Variants in HECW2 observed in about 807,000 individuals in gnomAD.
HECW2 encodes the protein E3 ubiquitin-protein ligase HECW2.
HECW2 carries 61 observed loss-of-function variants against 175.2 expected under a neutral mutation model. That is an observed-to-expected ratio of 0.35 (90% CI 0.28 to 0.43). The LOEUF is 0.43. Among genes scored for constraint, HECW2 ranks in the 20% least tolerant of loss-of-function variants. HECW2 has a pLI of 1.00. For synonymous variants in HECW2, 671 were observed against 731.0 expected, an observed-to-expected ratio of 0.92 and a Z score of 1.32; for missense variants, 1,524 against 2,000.5, an observed-to-expected ratio of 0.76 and a Z score of 4.54.
intron 2 of HECW2, among the ~76,000 whole-genome samples, chr2:196,374,596 C>A (rs919344947): frequency 6.6e-6 from 1 of 152,220 alleles, no homozygotes; most frequent in African/African-American, 2.4e-5. Flanking sequence ...GCAAATCTAT[C>A]TTTAATCATC....
intron 1 of HECW2, among the ~76,000 whole-genome samples, chr2:196,475,084 C>A (rs1686519405): frequency 6.6e-6 from 1 of 152,110 alleles, no homozygotes; most frequent in African/African-American, 2.4e-5. Context: ...CATCAACAAC[C>A]AAAGGCCCTT....
intron 10 of HECW2, among the ~76,000 whole-genome samples, chr2:196,309,142 G>T (rs151108948): frequency 6.6e-6 from 1 of 152,286 alleles, no homozygotes; most frequent in African/African-American, 2.4e-5. Context: ...TATGGCATTT[G>T]CTCTGTAAGG....
intron 2 of HECW2, among the ~76,000 whole-genome samples, chr2:196,432,314 T>G (rs1309882008): frequency 6.6e-6 from 1 of 152,178 alleles, no homozygotes; most frequent in African/African-American, 2.4e-5. Context: ...GTCTTCCTAA[T>G]ATCTGATGCT....
At chr2:196,392,957 AT>A (rs1285407531) in intron 2 of HECW2, among the ~76,000 whole-genome samples, 1 of 152,222 alleles carries the variant, frequency 6.6e-6, no homozygotes, top group African/African-American at 2.4e-5. Context: ...CAAAACAGAG[AT>A]ACAGACCAAT....
At chr2:196,341,313 T>TGCCAAAATCACTCCAAAGGAAGTG (rs1692743024) in intron 3 of HECW2, among the ~76,000 whole-genome samples, 3 of 152,100 alleles carry the variant, frequency 2.0e-5, no homozygotes, top group African/African-American at 7.3e-5. Context: ...GAAGTGATTT[T>TGCCAAAATCACTCCAAAGGAAGTG]ACCTTTTCCC....
At chr2:196,293,951 A>G (rs1297574531) in intron 13 of HECW2, among the ~76,000 whole-genome samples, 1 of 152,158 alleles carries the variant, frequency 6.6e-6, no homozygotes, top group East Asian at 1.9e-4. Context: ...TTAGAATCTC[A>G]CCCTTCATAG....
intron 13 of HECW2, among the ~76,000 whole-genome samples, chr2:196,297,930 G>C (rs1196064900): frequency 6.6e-6 from 1 of 152,158 alleles, no homozygotes; most frequent in Non-Finnish European, 1.5e-5. Context: ...TCTAGCTAGA[G>C]TAAAATGGAA....
At chr2:196,568,700 G>A (rs534634014) in intron 1 of HECW2, among the ~76,000 whole-genome samples, 2 of 152,092 alleles carry the variant, frequency 1.3e-5, no homozygotes, top group African/African-American at 4.8e-5. Flanking sequence ...TGGGTAGTGC[G>A]GTAAGCCACA....
chr2:196,249,357 A>G (rs1357689456), intron 19 of HECW2, among the ~76,000 whole-genome samples: 2 of 152,154 alleles, frequency 1.3e-5, no homozygotes. Context: ...ATTTTGACAA[A>G]TTTTGGTGAG....
At chr2:196,261,074 C>T (rs548753821) in intron 17 of HECW2, among the ~76,000 whole-genome samples, 4 of 152,254 alleles carry the variant, frequency 2.6e-5, no homozygotes, top group Admixed American at 2.0e-4. Flanking sequence ...CACCTGGCTG[C>T]CCTTAGGCTG....
chr2:196,470,496 C>G (rs1697151785), intron 1 of HECW2, among the ~76,000 whole-genome samples: 1 of 152,090 alleles, frequency 6.6e-6, no homozygotes, highest in South Asian at 2.1e-4. Context: ...ATCTTCGTCT[C>G]TTGCTTTCAT....
chr2:196,205,340 T>C (rs1219538987), intron 28 of HECW2, among the ~76,000 whole-genome samples: 1 of 152,204 alleles, frequency 6.6e-6, no homozygotes, highest in Non-Finnish European at 1.5e-5. Flanking sequence ...GGGAGATTAA[T>C]GCTCATGGCT....
intron 1 of HECW2, among the ~76,000 whole-genome samples, chr2:196,586,091 T>A (rs1690964873): frequency 6.6e-6 from 1 of 152,190 alleles, no homozygotes; most frequent in Non-Finnish European, 1.5e-5. Flanking sequence ...TCTATTACTT[T>A]GAGCTCTTAT....
intron 2 of HECW2, among the ~76,000 whole-genome samples, chr2:196,366,439 C>T (rs1047438428): frequency 2.6e-5 from 4 of 152,116 alleles, no homozygotes; most frequent in Non-Finnish European, 5.9e-5. Context: ...TACTTTCGTA[C>T]ACAAAAATAA....
intron 1 of HECW2, among the ~76,000 whole-genome samples, chr2:196,543,045 A>G: frequency 6.7e-6 from 1 of 150,154 alleles, no homozygotes; most frequent in Admixed American, 6.6e-5. Flanking sequence ...AAAGGAAAAA[A>G]GGACAACAGT....
chr2:196,380,247 G>A (rs1694171208), intron 2 of HECW2, among the ~76,000 whole-genome samples: 1 of 152,144 alleles, frequency 6.6e-6, no homozygotes, highest in Non-Finnish European at 1.5e-5. Context: ...TGTGTTTGAT[G>A]GAACACTCCT....
intron 2 of HECW2, among the ~76,000 whole-genome samples, chr2:196,371,026 G>GT (rs1246765394): frequency 5.9e-5 from 9 of 152,126 alleles, no homozygotes; most frequent in Non-Finnish European, 1.2e-4. Context: ...TTATGAAGGT[G>GT]TTTTTTTGTG....
intron 17 of HECW2, among the ~76,000 whole-genome samples, chr2:196,267,456 T>G (rs1033581652): frequency 6.6e-6 from 1 of 152,132 alleles, no homozygotes; most frequent in African/African-American, 2.4e-5. Context: ...ATGGGGACAC[T>G]ACCCATTTTA....
chr2:196,302,696 A>C (rs11902685), intron 13 of HECW2, among the ~76,000 whole-genome samples: 42,580 of 152,012 alleles, frequency 0.28, 6,158 homozygotes, highest in Middle Eastern at 0.35. Flanking sequence ...AATGGGAGTT[A>C]ATTCATGATT....
Sources: gnomAD v4.1 joint callset for allele counts (sites outside exome capture counted in the v4.1 genomes callset) on GRCh38, gnomAD v4.1.1 for gene constraint, MANE v1.5 for transcripts, NCBI Gene and HGNC (gene_info 2026-07-23, HGNC 2026-07-21) for gene names.